The following NTRK3 variants were observed in gnomAD, a reference collection of about 807,000 sequenced individuals.
NTRK3 encodes NT-3 growth factor receptor.
Under a neutral mutation model 91.7 loss-of-function variants are expected in NTRK3, and 24 were observed. The observed-to-expected ratio is 0.26, with a 90% confidence interval of 0.19 to 0.37. The LOEUF is 0.37. Ranked by LOEUF, NTRK3 falls within the 10% of genes least tolerant of loss-of-function variation. NTRK3 has a pLI of 1.00. For synonymous variants in NTRK3, 483 were observed against 404.0 expected (o/e 1.20, Z -2.34); for missense variants, 880 against 1,068.9 (o/e 0.82, Z 2.46).
intron 14 of NTRK3, among the ~76,000 whole-genome samples, chr15:88,018,152 A>G (rs994184519): frequency 5.9e-5 from 9 of 152,314 alleles, no homozygotes; most frequent in Middle Eastern, 6.8e-3. Flanking sequence ...ATCACCACCA[A>G]TGCCCATCTC....
intron 14 of NTRK3, among the ~76,000 whole-genome samples, chr15:87,952,467 A>G (rs528498832): frequency 6.6e-6 from 1 of 152,126 alleles, no homozygotes; most frequent in Admixed American, 6.5e-5. Flanking sequence ...TGTGCAGTGG[A>G]GCGCTGGTGA....
chr15:88,209,830 G>T (rs935613622), intron 3 of NTRK3: 15 of 152,258 alleles, frequency 9.9e-5, no homozygotes, highest in African/African-American at 3.4e-4. Context: ...GTTGGCAAAG[G>T]GTCCTGGGAG....
intron 14 of NTRK3, among the ~76,000 whole-genome samples, chr15:87,959,846 T>C (rs1049384581): frequency 1.3e-5 from 2 of 152,184 alleles, no homozygotes; most frequent in Admixed American, 6.5e-5. Flanking sequence ...ATGTGGAAGC[T>C]CCGTCAGTCT....
At chr15:88,253,815 C>A (rs1598203403) in intron 3 of NTRK3, among the ~76,000 whole-genome samples, 1 of 152,300 alleles carries the variant, frequency 6.6e-6, no homozygotes, top group East Asian at 1.9e-4. Flanking sequence ...AGACGCCCTC[C>A]TGAGGCCCTC....
At chr15:88,060,707 G>T (rs917170174) in intron 13 of NTRK3, among the ~76,000 whole-genome samples, 1 of 152,182 alleles carries the variant, frequency 6.6e-6, no homozygotes, top group African/African-American at 2.4e-5. Context: ...TCAGGCTGCT[G>T]TGTGCAGAAC....
intron 3 of NTRK3, among the ~76,000 whole-genome samples, chr15:88,253,943 A>G (rs2053714908): frequency 1.3e-5 from 2 of 152,188 alleles, no homozygotes; most frequent in Non-Finnish European, 2.9e-5. Flanking sequence ...CATCATTTTC[A>G]GAGGAGCAAC....
At chr15:87,936,800 G>A (rs566658642) in intron 15 of NTRK3, among the ~76,000 whole-genome samples, 3 of 152,112 alleles carry the variant, frequency 2.0e-5, no homozygotes, top group African/African-American at 7.2e-5. Context: ...ACTTTACCAG[G>A]AAAGAAGATG....
chr15:87,901,939 T>TA (rs1473443112), intron 17 of NTRK3, among the ~76,000 whole-genome samples: 2 of 152,072 alleles, frequency 1.3e-5, no homozygotes, highest in African/African-American at 2.4e-5. Context: ...CATTCTAAAT[T>TA]AAAAAAAGAC....
chr15:88,040,702 G>A (rs1430611518), intron 13 of NTRK3, among the ~76,000 whole-genome samples: 2 of 152,196 alleles, frequency 1.3e-5, no homozygotes, highest in African/African-American at 4.8e-5. Context: ...CCCAGCCAAC[G>A]TGTAGAAGTG....
At chr15:88,194,177 T>G (rs544804753) in intron 3 of NTRK3, among the ~76,000 whole-genome samples, 22 of 152,354 alleles carry the variant, frequency 1.4e-4, no homozygotes, top group African/African-American at 5.3e-4. Context: ...TTCTTTCTAC[T>G]CTCTGGATAT....
chr15:88,041,407 G>C (rs1222646944), intron 13 of NTRK3, among the ~76,000 whole-genome samples: 3 of 152,114 alleles, frequency 2.0e-5, no homozygotes, highest in Non-Finnish European at 4.4e-5. Context: ...GTATATCTAG[G>C]CACTCACTAG....
intron 5 of NTRK3, among the ~76,000 whole-genome samples, chr15:88,169,818 C>G (rs1279149449): frequency 6.6e-6 from 1 of 152,184 alleles, no homozygotes; most frequent in Non-Finnish European, 1.5e-5. Context: ...CCCATGTCCC[C>G]AGAAAGCCTC....
At chr15:88,084,064 G>A (rs2048290180) in intron 13 of NTRK3, among the ~76,000 whole-genome samples, 1 of 149,138 alleles carries the variant, frequency 6.7e-6, no homozygotes, top group African/African-American at 2.5e-5. Flanking sequence ...TGTTTTGTAA[G>A]AGCCATTTCA....
At chr15:88,136,360 ATG>A in intron 8 of NTRK3, 105 bp downstream of exon 8, 2 of 1,378,550 alleles carry the variant, frequency 1.5e-6, no homozygotes, top group South Asian at 2.4e-5. Context: ...ACCCAAGTCT[ATG>A]TGTTTTTTCC....
intron 5 of NTRK3, among the ~76,000 whole-genome samples, chr15:88,156,300 C>T (rs967086103): frequency 3.3e-5 from 5 of 152,068 alleles, no homozygotes; most frequent in Non-Finnish European, 5.9e-5. Context: ...GGAGAAGGAC[C>T]GTGGCACATG....
intron 13 of NTRK3, among the ~76,000 whole-genome samples, chr15:88,114,079 C>T (rs1176512556): frequency 6.6e-6 from 1 of 152,132 alleles, no homozygotes; most frequent in Non-Finnish European, 1.5e-5. Context: ...CATGAGGCAA[C>T]ATTATGGGAA....
intron 3 of NTRK3, among the ~76,000 whole-genome samples, chr15:88,214,996 C>A (rs1369326211): frequency 6.6e-6 from 1 of 152,168 alleles, no homozygotes; most frequent in Non-Finnish European, 1.5e-5. Context: ...CCGGTTTCCT[C>A]CCACATGAGG....
At chr15:88,132,383 C>T (rs1395966710) in intron 10 of NTRK3, among the ~76,000 whole-genome samples, 1 of 152,152 alleles carries the variant, frequency 6.6e-6, no homozygotes, top group Non-Finnish European at 1.5e-5. Context: ...ATTATCATTC[C>T]CATTTCATGG....
At chr15:88,026,162 T>A (rs1418481223) in intron 14 of NTRK3, among the ~76,000 whole-genome samples, 1 of 151,930 alleles carries the variant, frequency 6.6e-6, no homozygotes, top group Non-Finnish European at 1.5e-5. Flanking sequence ...TCCCAGCTAC[T>A]CAGGAGGCTG....
Sources: allele counts gnomAD v4.1 joint callset (sites outside exome capture counted in the v4.1 genomes callset), GRCh38; gene constraint gnomAD v4.1.1; transcripts MANE v1.5; gene names NCBI Gene and HGNC (gene_info 2026-07-23, HGNC 2026-07-21).